MLLT3: variants seen among roughly 807,000 people sequenced by gnomAD.
MLLT3 encodes protein AF-9.
MLLT3 carries 4 observed loss-of-function variants against 53.2 expected under a neutral mutation model. That is an observed-to-expected ratio of 0.08 (90% confidence interval 0.04 to 0.17). The LOEUF is 0.17. MLLT3 is among the 10% of genes least tolerant of loss of function. The pLI is 1.00. For missense variants in MLLT3, 569 were observed against 684.0 expected, an observed-to-expected ratio of 0.83 and a Z score of 1.87; for synonymous variants, 283 against 230.6, an observed-to-expected ratio of 1.23 and a Z score of -2.06.
At chr9:20,374,902 G>A (rs1016970770) in intron 5 of MLLT3, among the ~76,000 whole-genome samples, 1 of 152,186 alleles carries the variant, frequency 6.6e-6, no homozygotes, top group African/African-American at 2.4e-5. Context: ...TGGGACCTTT[G>A]CAAGGTAATT....
intron 2 of MLLT3, among the ~76,000 whole-genome samples, chr9:20,553,713 A>T (rs1818984579): frequency 6.6e-6 from 1 of 152,200 alleles, no homozygotes; most frequent in Non-Finnish European, 1.5e-5. Context: ...GACCTTTTAG[A>T]CATTCTTATC....
chr9:20,406,478 T>A (rs947040922), intron 5 of MLLT3, among the ~76,000 whole-genome samples: 1 of 152,184 alleles, frequency 6.6e-6, no homozygotes, highest in African/African-American at 2.4e-5. Context: ...AAAATGTTTT[T>A]AATAACTTAA....
chr9:20,558,869 T>G (rs1819129982), intron 2 of MLLT3, among the ~76,000 whole-genome samples: 1 of 152,228 alleles, frequency 6.6e-6, no homozygotes, highest in Non-Finnish European at 1.5e-5. Flanking sequence ...ACAAACTGTT[T>G]CGGATTTGAA....
At chr9:20,388,147 CA>C (rs1313637158) in intron 5 of MLLT3, among the ~76,000 whole-genome samples, 1 of 151,934 alleles carries the variant, frequency 6.6e-6, no homozygotes, top group Non-Finnish European at 1.5e-5. Flanking sequence ...AAAGGAAGAT[CA>C]AGTATTGATT....
At chr9:20,595,607 A>T (rs1820242103) in intron 2 of MLLT3, among the ~76,000 whole-genome samples, 1 of 152,190 alleles carries the variant, frequency 6.6e-6, no homozygotes. Context: ...ACCAATTTGC[A>T]ACCCCAATAA....
intron 5 of MLLT3, among the ~76,000 whole-genome samples, chr9:20,397,554 C>G (rs1178632717): frequency 6.6e-6 from 1 of 152,026 alleles, no homozygotes; most frequent in African/African-American, 2.4e-5. Flanking sequence ...TCTGCAGGAC[C>G]CATCAGCATG....
chr9:20,459,925 T>C (rs1824068467), intron 2 of MLLT3, among the ~76,000 whole-genome samples: 1 of 152,196 alleles, frequency 6.6e-6, no homozygotes, highest in African/African-American at 2.4e-5. Flanking sequence ...ATAAACAGGC[T>C]AGAAAATCAG....
intron 3 of MLLT3, among the ~76,000 whole-genome samples, chr9:20,449,888 C>A (rs978490894): frequency 1.3e-5 from 2 of 152,112 alleles, no homozygotes; most frequent in African/African-American, 4.8e-5. Context: ...ATGTCCTTTA[C>A]CTTTCTGCAA....
chr9:20,552,496 T>C (rs1333882067), intron 2 of MLLT3, among the ~76,000 whole-genome samples: 2 of 152,070 alleles, frequency 1.3e-5, no homozygotes, highest in African/African-American at 4.8e-5. Flanking sequence ...TGCTAGAACA[T>C]CTCCTTCCCA....
At chr9:20,593,589 T>A (rs1444353464) in intron 2 of MLLT3, among the ~76,000 whole-genome samples, 1 of 152,244 alleles carries the variant, frequency 6.6e-6, no homozygotes, top group Admixed American at 6.5e-5. Flanking sequence ...ACAACTATGG[T>A]ACATCTGTTA....
chr9:20,618,862 T>C (rs1465828541), intron 2 of MLLT3, among the ~76,000 whole-genome samples: 1 of 152,226 alleles, frequency 6.6e-6, no homozygotes, highest in East Asian at 1.9e-4. Flanking sequence ...ATAATGCCAA[T>C]TTGTTGATTG....
intron 2 of MLLT3, among the ~76,000 whole-genome samples, chr9:20,604,358 T>C (rs1328470640): frequency 6.6e-6 from 1 of 152,064 alleles, no homozygotes; most frequent in Non-Finnish European, 1.5e-5. Context: ...TCAAGGATTA[T>C]AAGTCAAACT....
At chr9:20,409,849 T>G (rs1201918433) in intron 5 of MLLT3, among the ~76,000 whole-genome samples, 3 of 152,198 alleles carry the variant, frequency 2.0e-5, no homozygotes, top group East Asian at 1.9e-4. Context: ...AATTATTCTT[T>G]CAGTTATATT....
chr9:20,498,810 C>T (rs931150790), intron 2 of MLLT3, among the ~76,000 whole-genome samples: 3 of 152,168 alleles, frequency 2.0e-5, no homozygotes, highest in Non-Finnish European at 4.4e-5. Flanking sequence ...TGTGGCTTAA[C>T]TTTTGTAACT....
chr9:20,507,631 T>C (rs1410582354), intron 2 of MLLT3, among the ~76,000 whole-genome samples: 1 of 152,032 alleles, frequency 6.6e-6, no homozygotes, highest in Non-Finnish European at 1.5e-5. Context: ...ACCCAATTTC[T>C]TCCTGCCCAT....
Position 20,343,340 on chromosome 9 carries a change from A to T in MLLT3, c.*3103T>A, listed in dbSNP as rs1347677158. 1 of 208,836 alleles carries T rather than the reference A, an allele frequency of 4.8e-6. No individual in the cohort carries two copies. The highest frequency in any genetic ancestry group is 9.7e-6 in the Non-Finnish European group (1 of 102,842). The allele number at this position is 208,836 out of a possible 1,614,324, so 12.9% of individuals were successfully genotyped here. ...AAAATGTTTAAGACACTCTCTTAAG[A>T]GATATTTTTTTCCTGATCTGAAGTT... On this transcript the variant is annotated 3_prime_UTR_variant, in exon 11 of 11. Coordinates refer to ENST00000380338, the MANE Select transcript of MLLT3 (RefSeq NM_004529.4).
intron 2 of MLLT3, among the ~76,000 whole-genome samples, chr9:20,471,833 A>AT (rs202241460): frequency 0.045 from 6,413 of 143,084 alleles, 164 homozygotes; most frequent in South Asian, 0.086. Flanking sequence ...GTCACCTACC[A>AT]TTTTTTTTTT....
chr9:20,529,690 A>T (rs970489008), intron 2 of MLLT3, among the ~76,000 whole-genome samples: 9 of 151,970 alleles, frequency 5.9e-5, no homozygotes, highest in Non-Finnish European at 1.3e-4. Context: ...TGACAAACAA[A>T]ATTCAGAGAC....
At chr9:20,618,368 G>A (rs1173330909) in intron 2 of MLLT3, among the ~76,000 whole-genome samples, 1 of 152,224 alleles carries the variant, frequency 6.6e-6, no homozygotes, top group South Asian at 2.1e-4. Flanking sequence ...AGGATTAAGT[G>A]GCATGTTTGG....
Sources: gnomAD v4.1 joint callset for allele counts (sites outside exome capture counted in the v4.1 genomes callset) on GRCh38, gnomAD v4.1.1 for gene constraint, MANE v1.5 for transcripts, NCBI Gene and HGNC (gene_info 2026-07-23, HGNC 2026-07-21) for gene names.